The following RSRC1 variants were observed in gnomAD, a reference collection of about 807,000 sequenced individuals.
The protein encoded by RSRC1 is arginine and serine rich coiled-coil 1.
RSRC1 carries 39 observed loss-of-function variants against 49.1 expected under a neutral mutation model. That is an observed-to-expected ratio of 0.79 (90% CI 0.61 to 1.04). The LOEUF (loss-of-function observed/expected upper bound fraction) is 1.04, where lower values mean the gene tolerates loss of function less well. Ranked by LOEUF, RSRC1 falls within the 50% of genes least tolerant of loss-of-function variation. The pLI is 0.00. For missense variants in RSRC1, 388 were observed against 402.4 expected (o/e 0.96, Z 0.31); for synonymous variants, 143 against 130.8 (o/e 1.09, Z -0.63).
At chr3:158,512,574 C>T (rs1020005359) in intron 7 of RSRC1, among the ~76,000 whole-genome samples, 7 of 152,204 alleles carry the variant, frequency 4.6e-5, no homozygotes, top group African/African-American at 9.6e-5. Context: ...GTTCTTTTGG[C>T]TTAGGATTGA....
At chr3:158,317,263 C>G (rs1350508204) in intron 5 of RSRC1, among the ~76,000 whole-genome samples, 1 of 152,208 alleles carries the variant, frequency 6.6e-6, no homozygotes, top group Non-Finnish European at 1.5e-5. Context: ...GGGTCTTACT[C>G]TGTCCTCCAG....
chr3:158,229,826 T>C lies in RSRC1; in HGVS notation c.494+26581T>C, dbSNP rs1722852553. ...TTTGTCTGAACCAGTGAAGAGTAAG[T>C]TGCAGGCACCAGTCTCTTTAGCCCT... On this transcript the variant is annotated intron_variant, in intron 4 of 9. Transcript: ENST00000611884. 2.6e-5 allele frequency among the ~76,000 whole-genome samples: 4 copies of C among 152,040 alleles called. No homozygotes were observed. In the South Asian group the frequency reaches 8.3e-4, roughly 31 times the overall value.
At chr3:158,120,412 G>A (rs1365491904) in intron 1 of RSRC1, among the ~76,000 whole-genome samples, 2 of 151,728 alleles carry the variant, frequency 1.3e-5, no homozygotes, top group Non-Finnish European at 2.9e-5. Flanking sequence ...TGGAATCAGG[G>A]AGGGGCTGGC....
intron 4 of RSRC1, among the ~76,000 whole-genome samples, chr3:158,282,166 T>A (rs945940977): frequency 5.9e-5 from 9 of 152,114 alleles, no homozygotes; most frequent in African/African-American, 2.2e-4. Flanking sequence ...AATAATTAAG[T>A]TGGGAAATGG....
intron 6 of RSRC1, among the ~76,000 whole-genome samples, chr3:158,365,318 GCC>G (rs931488511): frequency 1.3e-5 from 2 of 151,964 alleles, no homozygotes; most frequent in Non-Finnish European, 2.9e-5. Context: ...CCCCCGACAG[GCC>G]CCGGTGTGTC....
chr3:158,129,288 C>CTTTTTTTTTTTTTTTTTTTTTTTTTT, intron 3 of RSRC1, among the ~76,000 whole-genome samples: 1 of 71,082 alleles, frequency 1.4e-5, no homozygotes, highest in Non-Finnish European at 2.5e-5. Context: ...TTCTTTCTTT[C>CTTTTTTTTTTTTTTTTTTTTTTTTTT]TTTTTTTTTT....
intron 7 of RSRC1, among the ~76,000 whole-genome samples, chr3:158,508,734 G>A (rs1740001235): frequency 6.6e-6 from 1 of 152,186 alleles, no homozygotes; most frequent in African/African-American, 2.4e-5. Flanking sequence ...CCGCTCATTA[G>A]TCACTTCGTT....
At chr3:158,441,515 A>T (rs980287745) in intron 6 of RSRC1, among the ~76,000 whole-genome samples, 1 of 152,018 alleles carries the variant, frequency 6.6e-6, no homozygotes, top group African/African-American at 2.4e-5. Context: ...TAATAACATG[A>T]TTAAGATTTG....
chr3:158,324,730 T>C (rs1457544559), intron 5 of RSRC1, among the ~76,000 whole-genome samples: 1 of 152,186 alleles, frequency 6.6e-6, no homozygotes, highest in African/African-American at 2.4e-5. Context: ...TGATTTATAA[T>C]CCTTTGGGTA....
At chr3:158,213,361 A>G (rs1030804257) in intron 4 of RSRC1, among the ~76,000 whole-genome samples, 1 of 151,946 alleles carries the variant, frequency 6.6e-6, no homozygotes, top group Admixed American at 6.6e-5. Context: ...CAATGAAAGT[A>G]TATAATAAAA....
At chr3:158,320,391 A>G (rs117687882) in intron 5 of RSRC1, among the ~76,000 whole-genome samples, 1 of 152,292 alleles carries the variant, frequency 6.6e-6, no homozygotes, top group East Asian at 1.9e-4. Context: ...GTTATATGTA[A>G]TATGTGTTTG....
rs563116303 is a variant in RSRC1, at chr3:158,161,027, A to G, written c.320+37036A>G. Among the ~76,000 whole-genome samples, 3 of 152,106 alleles carry G rather than the reference A, an allele frequency of 2.0e-5. No homozygotes were observed. The East Asian group carries it at 5.8e-4, about 29-fold the overall frequency. ...TTATTCACTGTTGTTCACTAGGTTT[A>G]CTCTTTTTTTCCCCCTTGGCAGAGC... On this transcript the variant is annotated intron_variant, in intron 3 of 9. Coordinates refer to ENST00000611884, the MANE Select transcript of RSRC1 (RefSeq NM_001271838.2).
intron 6 of RSRC1, among the ~76,000 whole-genome samples, chr3:158,378,718 A>T (rs1013065189): frequency 2.6e-5 from 4 of 152,146 alleles, no homozygotes; most frequent in African/African-American, 9.7e-5. Flanking sequence ...ATTCCTCCTT[A>T]CTTCCAGTGG....
intron 7 of RSRC1, among the ~76,000 whole-genome samples, chr3:158,523,893 G>A (rs1405571203): frequency 1.3e-5 from 2 of 152,090 alleles, no homozygotes; most frequent in South Asian, 2.1e-4. Flanking sequence ...TTGTTCTTTG[G>A]CCCTCCAGAA....
At chr3:158,511,971 T>C (rs966237444) in intron 7 of RSRC1, among the ~76,000 whole-genome samples, 1 of 151,056 alleles carries the variant, frequency 6.6e-6, no homozygotes, top group African/African-American at 2.4e-5. Flanking sequence ...GATGGGGTTG[T>C]TTTTTTCTTG....
chr3:158,188,226 A>G (rs981044883), intron 3 of RSRC1, among the ~76,000 whole-genome samples: 6 of 151,878 alleles, frequency 4.0e-5, no homozygotes, highest in Admixed American at 3.3e-4. Context: ...TCTGTTTTCC[A>G]GTATATATTT....
chr3:158,166,991 A>C (rs1003925911), intron 3 of RSRC1, among the ~76,000 whole-genome samples: 2 of 152,174 alleles, frequency 1.3e-5, no homozygotes, highest in African/African-American at 4.8e-5. Flanking sequence ...TTTATAGCTT[A>C]GAATAAAAGA....
chr3:158,220,008 C>A (rs1722146698), intron 4 of RSRC1, among the ~76,000 whole-genome samples: 1 of 151,556 alleles, frequency 6.6e-6, no homozygotes, highest in African/African-American at 2.4e-5. Context: ...GTCTTGTAGA[C>A]CTGCCTTTAA....
At chr3:158,205,907 A>C (rs1418376460) in intron 4 of RSRC1, among the ~76,000 whole-genome samples, 1 of 152,180 alleles carries the variant, frequency 6.6e-6, no homozygotes, top group Non-Finnish European at 1.5e-5. Context: ...CCTGGGCTGC[A>C]TGTGGCCCAC....
Sources: allele counts gnomAD v4.1 joint callset (sites outside exome capture counted in the v4.1 genomes callset), GRCh38; gene constraint gnomAD v4.1.1; transcripts MANE v1.5; gene names NCBI Gene and HGNC (gene_info 2026-07-23, HGNC 2026-07-21).